LRRC14B: variants seen among roughly 807,000 people sequenced by gnomAD.
LRRC14B encodes the protein leucine rich repeat containing 14B, also known as leucine-rich repeat-containing protein 14B.
LRRC14B carries 23 observed loss-of-function variants against 16.9 expected under a neutral mutation model. The ratio of observed to expected loss-of-function variants is 1.36; its 90% confidence interval spans 0.98 to 1.92. The LOEUF (loss-of-function observed/expected upper bound fraction) is 1.92. Ranked by LOEUF, LRRC14B falls within the 30% of genes most tolerant of loss-of-function variation. The pLI is 0.00. For missense variants in LRRC14B, 766 were observed against 705.7 expected (o/e 1.09, Z -0.97); for synonymous variants, 358 against 332.5 (o/e 1.08, Z -0.83).
At position 194,874 on chromosome 5, in the gene LRRC14B, A is replaced by G. The variant is rs1733881563; in HGVS notation, c.1066A>G (p.Ser356Gly). 1 of 1,595,380 alleles carries G rather than the reference A, an allele frequency of 6.3e-7. No homozygotes were observed. Among genetic ancestry groups the G allele is most frequent in the Non-Finnish European group, 8.5e-7 (1 of 1,170,968 alleles). ...LYPSTFFRLL[S>G]QASRTLRILT... ...CCCCTCGACCTTCTTCAGGCTGCTC[A>G]GCCAGGCTTCCCGGACGCTGAGGAT... Residue 356 changes from serine (S) to glycine (G), a missense_variant, in exon 2 of 2, where the codon AGC becomes GGC. Transcript: ENST00000328278.
chr5:195,456 C>G lies in LRRC14B; in HGVS notation c.*103C>G. 2 of 1,044,204 alleles carry G rather than the reference C, an allele frequency of 1.9e-6. No homozygotes were observed. The highest frequency in any genetic ancestry group is 4.9e-5 in the Admixed American group (2 of 40,656). 64.7% of individuals were successfully genotyped at this position (1,044,204 alleles called of 1,614,324 possible). On this transcript the variant is annotated 3_prime_UTR_variant, in exon 2 of 2. Transcript: ENST00000328278. ...TGGGCCCGGCATTCATCCCCACCAC[C>G]ACCACCACCAAAAGCAGTTCTTAGT...
In LRRC14B at chr5:195,228, A is replaced by C. The variant is rs1553994340; in HGVS notation, c.1420A>C (p.Thr474Pro). 6.2e-7 allele frequency: 1 copy of C among 1,613,690 alleles called. No individual in the cohort carries two copies. The highest frequency in any genetic ancestry group is 1.1e-5 in the South Asian group (1 of 91,086). ...TGACCGAGAGGACATCCAAGTCTCC[A>C]CACCTCTCTTTGGAAGTTTTGACCC... ...RADREDIQVS[T>P]PLFGSFDPDI... Residue 474 changes from threonine (T) to proline (P), a missense_variant, in exon 2 of 2, where the codon ACA becomes CCA. Coordinates refer to ENST00000328278, the MANE Select transcript of LRRC14B (RefSeq NM_001080478.3).
rs1312795577 is a variant in LRRC14B, at chr5:195,550, C to T, written c.*197C>T. ...CTTCCAGGAGAGGTGCCATGCGGTGCCCTTTAGTGGCAGCACGGCAAGGTT... is the reference window on the plus strand; with the variant it reads ...CTTCCAGGAGAGGTGCCATGCGGTGTCCTTTAGTGGCAGCACGGCAAGGTT... On this transcript the variant is annotated 3_prime_UTR_variant, in exon 2 of 2. Coordinates refer to ENST00000328278, the MANE Select transcript of LRRC14B (RefSeq NM_001080478.3). 6.6e-6 allele frequency among the ~76,000 whole-genome samples: 1 copy of T among 152,164 alleles called. No individual in the cohort carries two copies. Among genetic ancestry groups the T allele is most frequent in the East Asian group, 1.9e-4 (1 of 5,184 alleles).
chr5:192,198 C>T lies in LRRC14B; in HGVS notation c.660C>T (p.His220=), dbSNP rs372474616. 9.7e-5 allele frequency: 155 copies of T among 1,600,768 alleles called. 1 individual carries two copies. The highest frequency in any genetic ancestry group is 3.3e-4 in the Middle Eastern group (2 of 6,040). Reference sequence around the variant, plus strand: ...CCCTGCGCAAGCTGGAGGTGGTGCACAACGTGCGGCTGCATGCGGGCCACG... The same window carrying T: ...CCCTGCGCAAGCTGGAGGTGGTGCATAACGTGCGGCTGCATGCGGGCCACG... ...PGALRKLEVV[H]NVRLHAGHVQ... Residue 220 remains histidine, a synonymous_variant, in exon 1 of 2, where the codon CAC becomes CAT. Coordinates refer to ENST00000328278, the MANE Select transcript of LRRC14B (RefSeq NM_001080478.3).
intron 1 of LRRC14B, 83 bp from the exon 2 acceptor site, chr5:194,625 A>G: frequency 7.4e-7 from 1 of 1,356,704 alleles, no homozygotes. Context: ...TGATGGACAA[A>G]TGGGTTGTTC....
intron 1 of LRRC14B, 38 bp from the exon 2 acceptor site, chr5:194,670 C>G: frequency 1.3e-6 from 2 of 1,544,290 alleles, no homozygotes; most frequent in Non-Finnish European, 8.7e-7. Flanking sequence ...TTCCTGGGAC[C>G]CTCCTCTCAC....
Position 195,201 on chromosome 5 carries a change from GCTGA to G in LRRC14B, c.1395_1398del (p.Asp466GlufsTer37). ...GGAGCTGCGTGCCGTGCTGCTGCGG[GCTGA>G]CCGAGAGGACATCCAAGTCTCCACA... On this transcript the variant is annotated frameshift_variant, in exon 2 of 2. Coordinates refer to ENST00000328278, the MANE Select transcript of LRRC14B (RefSeq NM_001080478.3). LOFTEE classifies it low-confidence loss of function (END_TRUNC). 1 of 1,613,800 alleles carries G rather than the reference GCTGA, an allele frequency of 6.2e-7. No homozygotes were observed. Among genetic ancestry groups the G allele is most frequent in the Non-Finnish European group, 8.5e-7 (1 of 1,179,878 alleles).
chr5:191,851 C>T lies in LRRC14B; in HGVS notation c.313C>T (p.Arg105Trp), dbSNP rs527905797. 35 of 1,524,644 alleles carry T rather than the reference C, an allele frequency of 2.3e-5. No homozygotes were observed. Among genetic ancestry groups the T allele is most frequent in the Admixed American group, 4.0e-5 (2 of 49,912 alleles). The allele number at this position is 1,524,644 out of a possible 1,614,324, so 94.4% of individuals were successfully genotyped here. Residue 105 changes from arginine (R) to tryptophan (W), a missense_variant, in exon 1 of 2, where the codon CGG (arginine) becomes TGG (tryptophan). Coordinates refer to ENST00000328278, the MANE Select transcript of LRRC14B (RefSeq NM_001080478.3). ...ADHVLQDRSR[R>W]RLRVADLTGI... ...CCACGTGCTGCAGGACCGGAGCCGC[C>T]GGCGGCTGCGGGTGGCTGACCTCAC...
Position 191,672 on chromosome 5 carries a change from A to T in LRRC14B, c.134A>T (p.Glu45Val), listed in dbSNP as rs1170535845. Residue 45 changes from glutamate to valine, a missense_variant, in exon 1 of 2, where the codon GAG becomes GTG. Coordinates refer to ENST00000328278, the MANE Select transcript of LRRC14B (RefSeq NM_001080478.3). ...CTGTTCAAAGCCAGCTACCTGCTGG[A>T]GCAGGCGGAGGTGACGCGCGCGGTG... ...PLLFKASYLL[E>V]QAEVTRAVLG... 5 of 1,604,990 alleles carry T rather than the reference A, an allele frequency of 3.1e-6. No individual in the cohort carries two copies. Among genetic ancestry groups the T allele is most frequent in the Non-Finnish European group, 4.3e-6 (5 of 1,176,308 alleles).
At position 192,343 on chromosome 5, in the gene LRRC14B, G is replaced by A. The variant is rs761983573; in HGVS notation, c.805G>A (p.Ala269Thr). The change falls in exon 1 of 2, where the codon GCC (alanine) becomes ACC (threonine). Residue 269 changes from alanine (A) to threonine (T), a missense_variant. Coordinates refer to ENST00000328278, the MANE Select transcript of LRRC14B (RefSeq NM_001080478.3). The part of the protein sequence containing the change: ...STPDGEDPLL[A>T]SIARELSKMA... Reference sequence around the variant, plus strand: ...TCCCGACGGCGAGGACCCCCTCCTCGCCTCCATCGCCCGGGAGCTCAGCAA... The same window carrying A: ...TCCCGACGGCGAGGACCCCCTCCTCACCTCCATCGCCCGGGAGCTCAGCAA... The A allele has an allele frequency of 5.0e-6, 8 of 1,594,844 alleles. No homozygotes were observed. Among genetic ancestry groups the A allele is most frequent in the South Asian group, 2.3e-5 (2 of 87,646 alleles).
chr5:194,308 A>G (rs1733870550), intron 1 of LRRC14B, among the ~76,000 whole-genome samples: 2 of 148,778 alleles, frequency 1.3e-5, no homozygotes. Context: ...TCGTGGTCAC[A>G]TGCATCACTT....
chr5:193,654 G>A (rs141163542), intron 1 of LRRC14B, among the ~76,000 whole-genome samples: 46 of 151,810 alleles, frequency 3.0e-4, no homozygotes, highest in Admixed American at 1.4e-3. Context: ...GGTGCCCTGC[G>A]GTGGGTCCTG....
Position 191,603 on chromosome 5 carries a change from C to T in LRRC14B, c.65C>T (p.Ala22Val), listed in dbSNP as rs567688777. ...AEALVSHPQVARQSLDSVAHN... is the reference protein window; with the variant it reads ...AEALVSHPQVVRQSLDSVAHN... Reference sequence around the variant, plus strand: ...GCTCTGGTGTCCCACCCCCAGGTGGCCCGGCAGAGCCTGGACAGCGTGGCC... The same window carrying T: ...GCTCTGGTGTCCCACCCCCAGGTGGTCCGGCAGAGCCTGGACAGCGTGGCC... The change falls in exon 1 of 2, where the codon GCC becomes GTC. Residue 22 changes from alanine (A) to valine (V), a missense_variant. Coordinates refer to ENST00000328278, the MANE Select transcript of LRRC14B (RefSeq NM_001080478.3). 4.3e-6 allele frequency: 7 copies of T among 1,612,022 alleles called. No homozygotes were observed. Among genetic ancestry groups the T allele is most frequent in the Middle Eastern group, 1.6e-4 (1 of 6,062 alleles).
At chr5:193,031 A>G (rs554178278) in intron 1 of LRRC14B, among the ~76,000 whole-genome samples, 1 of 152,224 alleles carries the variant, frequency 6.6e-6, no homozygotes, top group South Asian at 2.1e-4. Flanking sequence ...GGAAGGGGCC[A>G]GGCCAAGGCA....
In LRRC14B at chr5:191,524, G is replaced by A; in HGVS notation, c.-15G>A. On this transcript the variant is annotated 5_prime_UTR_variant, in exon 1 of 2. Coordinates refer to ENST00000328278, the MANE Select transcript of LRRC14B (RefSeq NM_001080478.3). ...GCCTTGGGGAAAGTCGTGGGGAGCG[G>A]TCCTGTCTCGGGCCATGGACACAAT... The A allele has an allele frequency of 6.3e-7, 1 of 1,595,768 alleles. No homozygotes were observed.
chr5:193,138 G>T (rs577708569), intron 1 of LRRC14B, among the ~76,000 whole-genome samples: 2 of 151,846 alleles, frequency 1.3e-5, no homozygotes, highest in Non-Finnish European at 2.9e-5. Context: ...TGGGTCCAAG[G>T]GGGGTGCCCA....
rs775423900 is a variant in LRRC14B, at chr5:195,228, AC to A, written c.1421del (p.Thr474AsnfsTer30). On this transcript the variant is annotated frameshift_variant, in exon 2 of 2. Transcript: ENST00000328278. LOFTEE classifies it high-confidence loss of function. Reference sequence around the variant, plus strand: ...TGACCGAGAGGACATCCAAGTCTCCACACCTCTCTTTGGAAGTTTTGACCCA... The same window carrying A: ...TGACCGAGAGGACATCCAAGTCTCCAACCTCTCTTTGGAAGTTTTGACCCA... ...RADREDIQVS[T>X]PLFGSFDPDI... is the part of the protein sequence containing the mutation. The A allele has an allele frequency of 1.9e-6, 3 of 1,613,690 alleles. No homozygotes were observed. The Admixed American group carries it at 5.0e-5, about 27-fold the overall frequency.
Position 192,424 on chromosome 5 carries a change from C to A in LRRC14B, c.886C>A (p.Pro296Thr). The A allele has an allele frequency of 6.5e-7, 1 of 1,538,138 alleles. No homozygotes were observed. The highest frequency in any genetic ancestry group is 2.3e-5 in the East Asian group (1 of 43,394). Residue 296 changes from proline to threonine, a missense_variant, in exon 1 of 2, where the codon CCG becomes ACG. Pro to Thr is a conservative substitution (Grantham distance 38). Transcript: ENST00000328278. Reference sequence around the variant, plus strand: ...CTTCTCCACGCTGACCGGGAAGATCCCGACGCTGCTTGGGTGAGTCTTGGG... The same window carrying A: ...CTTCTCCACGCTGACCGGGAAGATCACGACGCTGCTTGGGTGAGTCTTGGG... ...VAFSTLTGKIPTLLGPLQTPL... is the reference protein window; with the variant it reads ...VAFSTLTGKITTLLGPLQTPL...
chr5:194,098 C>T (rs554637386), intron 1 of LRRC14B, among the ~76,000 whole-genome samples: 1 of 151,512 alleles, frequency 6.6e-6, no homozygotes, highest in East Asian at 1.9e-4. Flanking sequence ...CATGGCCCTT[C>T]CCAGCTCTGA....
Sources: gnomAD v4.1 joint callset for allele counts (sites outside exome capture counted in the v4.1 genomes callset) on GRCh38, gnomAD v4.1.1 for gene constraint, MANE v1.5 for transcripts, NCBI Gene and HGNC (gene_info 2026-07-23, HGNC 2026-07-21) for gene names.